CAMTA1: variants seen among roughly 807,000 people sequenced by gnomAD.
CAMTA1 encodes calmodulin-binding transcription activator 1.
A neutral mutation model predicts 170.9 loss-of-function variants in CAMTA1; 27 were observed. That is an observed-to-expected ratio of 0.16 (90% confidence interval 0.12 to 0.22). The LOEUF (loss-of-function observed/expected upper bound fraction) is 0.22. Among genes scored for constraint, CAMTA1 ranks in the 10% least tolerant of loss-of-function variants. The pLI is 1.00. For synonymous variants in CAMTA1, 833 were observed against 891.5 expected (o/e 0.93, Z 1.17); for missense variants, 1,619 against 2,217.2 (o/e 0.73, Z 5.42).
chr1:7,348,439 G>A (rs549103124), intron 5 of CAMTA1, among the ~76,000 whole-genome samples: 1 of 152,304 alleles, frequency 6.6e-6, no homozygotes, highest in South Asian at 2.1e-4. Flanking sequence ...CCTGGGGGTC[G>A]TGGGGCCCAC....
intron 22 of CAMTA1, among the ~76,000 whole-genome samples, chr1:7,765,206 A>G (rs772928762): frequency 6.6e-6 from 1 of 152,136 alleles, no homozygotes; most frequent in Non-Finnish European, 1.5e-5. Flanking sequence ...CAGTACCACA[A>G]ACTGTGACTT....
At chr1:6,886,926 C>A (rs1395471822) in intron 3 of CAMTA1, among the ~76,000 whole-genome samples, 1 of 152,106 alleles carries the variant, frequency 6.6e-6, no homozygotes, top group Non-Finnish European at 1.5e-5. Context: ...AGATGCTAGT[C>A]GTTTTGTTCA....
At chr1:7,573,588 G>T (rs376486662) in intron 6 of CAMTA1, among the ~76,000 whole-genome samples, 1 of 152,306 alleles carries the variant, frequency 6.6e-6, no homozygotes, top group African/African-American at 2.4e-5. Context: ...GCCTATGCCC[G>T]GCCTCCCCGC....
intron 1 of CAMTA1, among the ~76,000 whole-genome samples, chr1:6,790,946 TC>T (rs1363000763): frequency 1.3e-5 from 2 of 152,204 alleles, no homozygotes; most frequent in Non-Finnish European, 2.9e-5. Context: ...ACTATTTCAC[TC>T]TTGTGAAAAC....
intron 11 of CAMTA1, among the ~76,000 whole-genome samples, chr1:7,716,068 T>G (rs890169679): frequency 2.6e-5 from 4 of 152,240 alleles, no homozygotes; most frequent in South Asian, 4.1e-4. Context: ...GGTCTCACTC[T>G]GTTGCCCGGG....
intron 3 of CAMTA1, among the ~76,000 whole-genome samples, chr1:6,973,601 C>T (rs1394618446): frequency 6.6e-6 from 1 of 152,188 alleles, no homozygotes; most frequent in Non-Finnish European, 1.5e-5. Flanking sequence ...GTGCTAATAT[C>T]TCTTTGAGAT....
intron 3 of CAMTA1, among the ~76,000 whole-genome samples, chr1:6,979,765 G>T (rs1044397946): frequency 1.3e-5 from 2 of 151,994 alleles, no homozygotes; most frequent in Non-Finnish European, 2.9e-5. Context: ...GACCCCCAGT[G>T]CTTGGGACAC....
intron 3 of CAMTA1, among the ~76,000 whole-genome samples, chr1:6,828,927 C>G (rs1460897755): frequency 7.8e-6 from 1 of 129,004 alleles, no homozygotes; most frequent in Non-Finnish European, 1.6e-5. Flanking sequence ...GACAGAGTCT[C>G]ACTCTGTTGC....
At chr1:7,310,692 C>CTT (rs1676507811) in intron 5 of CAMTA1, among the ~76,000 whole-genome samples, 1 of 46,616 alleles carries the variant, frequency 2.1e-5, no homozygotes, top group African/African-American at 1.3e-4. Flanking sequence ...CTCTCTCTCT[C>CTT]TCTCTCTCTC....
Position 7,398,181 on chromosome 1 carries a change from CTCT to C in CAMTA1, c.439-69648_439-69646del, listed in dbSNP as rs1557651211. 1.9e-3 allele frequency among the ~76,000 whole-genome samples: 88 copies of C among 45,566 alleles called. 3 individuals carry two copies. The highest frequency in any genetic ancestry group is 7.2e-3 in the African/African-American group (86 of 11,944). The allele number at this position is 45,566 out of a possible 152,430, so 29.9% of individuals were successfully genotyped here. On this transcript the variant is annotated intron_variant, in intron 5 of 22. Coordinates refer to ENST00000303635, the MANE Select transcript of CAMTA1 (RefSeq NM_015215.4). ...TCTCTCTCTCTCTCTCTCTCTCTCT[CTCT>C]CTCTCTCTCTATATATATATATATA...
chr1:7,363,136 C>T (rs551453591), intron 5 of CAMTA1, among the ~76,000 whole-genome samples: 1 of 152,306 alleles, frequency 6.6e-6, no homozygotes, highest in East Asian at 1.9e-4. Flanking sequence ...GAACTGTGCC[C>T]TTGTCTGACC....
At chr1:7,246,692 T>TTTTTGA (rs1665856558) in intron 4 of CAMTA1, among the ~76,000 whole-genome samples, 5 of 147,334 alleles carry the variant, frequency 3.4e-5, no homozygotes, top group Admixed American at 6.8e-5. Context: ...TTTTTTTTTT[T>TTTTTGA]GACATGCTTT....
At chr1:7,180,669 A>G (rs1651956809) in intron 4 of CAMTA1, among the ~76,000 whole-genome samples, 1 of 151,800 alleles carries the variant, frequency 6.6e-6, no homozygotes, top group Non-Finnish European at 1.5e-5. Context: ...GTGTGCCACC[A>G]CAGTTGGCTA....
chr1:7,523,601 G>A (rs570648212), intron 6 of CAMTA1, among the ~76,000 whole-genome samples: 15 of 152,186 alleles, frequency 9.9e-5, no homozygotes, highest in East Asian at 9.7e-4. Flanking sequence ...ATTTTTGGCC[G>A]GGTGCGGTGG....
Position 6,785,556 on chromosome 1 carries a change from T to A in CAMTA1, c.26T>A (p.Leu9Gln). 9.3e-7 allele frequency: 1 copy of A among 1,069,536 alleles called. No individual in the cohort carries two copies. The highest frequency in any genetic ancestry group is 1.1e-6 in the Non-Finnish European group (1 of 869,682). The allele number at this position is 1,069,536 out of a possible 1,614,324, so 66.3% of individuals were successfully genotyped here. A position where few individuals can be genotyped will look rare whatever the true frequency, so the allele number is the denominator to read the frequency against. MWRAEGKW[L>Q]PKTSRKSVSQ... is the part of the protein sequence containing the mutation. ...ATGTGGCGCGCGGAGGGGAAATGGC[T>A]GCCGAAAACAAGCCGGAAGGTAAGA... The change falls in exon 1 of 23, where the codon CTG (leucine) becomes CAG (glutamine). Residue 9 changes from leucine to glutamine, a missense_variant. Coordinates refer to ENST00000303635, the MANE Select transcript of CAMTA1 (RefSeq NM_015215.4).
At chr1:7,162,398 A>T (rs1199669509) in intron 4 of CAMTA1, among the ~76,000 whole-genome samples, 2 of 151,938 alleles carry the variant, frequency 1.3e-5, no homozygotes, top group Non-Finnish European at 2.9e-5. Context: ...GTGTCTTAGA[A>T]CCCTAATCAG....
chr1:7,217,240 T>C (rs943955596), intron 4 of CAMTA1, among the ~76,000 whole-genome samples: 2 of 152,218 alleles, frequency 1.3e-5, no homozygotes, highest in Non-Finnish European at 2.9e-5. Flanking sequence ...CACTTCTCTC[T>C]CCTGTCGCCA....
chr1:7,232,341 C>T (rs775321622), intron 4 of CAMTA1, among the ~76,000 whole-genome samples: 3 of 152,298 alleles, frequency 2.0e-5, no homozygotes, highest in Non-Finnish European at 4.4e-5. Flanking sequence ...CCGGAGGCAC[C>T]GACATCTGCC....
chr1:7,146,122 C>T lies in CAMTA1; in HGVS notation c.302+54751C>T, dbSNP rs367842567. On this transcript the variant is annotated intron_variant, in intron 4 of 22. Transcript: ENST00000303635. This position sits in a 1 kb window ranked among gnomAD's most constrained non-coding sequence, Gnocchi z 4.3. ...AATGGGATGATTGTAAAGGCCGGGCCGAGGATCTCCCCTGGGGATGGGCAG... is the reference window on the plus strand; with the variant it reads ...AATGGGATGATTGTAAAGGCCGGGCTGAGGATCTCCCCTGGGGATGGGCAG... Among the ~76,000 whole-genome samples, 6 of 152,092 alleles carry T rather than the reference C, an allele frequency of 3.9e-5. No individual in the cohort carries two copies. Among genetic ancestry groups the T allele is most frequent in the African/African-American group, 7.2e-5 (3 of 41,422 alleles).
Sources: allele counts gnomAD v4.1 joint callset (sites outside exome capture counted in the v4.1 genomes callset), GRCh38; gene constraint gnomAD v4.1.1; non-coding constraint Gnocchi (gnomAD v3.1); transcripts MANE v1.5; gene names NCBI Gene and HGNC (gene_info 2026-07-23, HGNC 2026-07-21).